BECN1: variants seen among roughly 807,000 people sequenced by gnomAD.
BECN1 encodes beclin 1, also known as beclin-1.
BECN1 carries 15 observed loss-of-function variants against 60.1 expected under a neutral mutation model. The observed-to-expected ratio is 0.25, with a 90% confidence interval of 0.17 to 0.38. The LOEUF (loss-of-function observed/expected upper bound fraction) is 0.38. Ranked by LOEUF, BECN1 falls within the 10% of genes least tolerant of loss-of-function variation. BECN1 has a pLI of 1.00. For missense variants in BECN1, 424 were observed against 548.2 expected (o/e 0.77, Z 2.26); for synonymous variants, 179 against 201.8 (o/e 0.89, Z 0.96).
Position 42,815,933 on chromosome 17 carries a change from C to T in BECN1, c.805G>A (p.Val269Ile). The change falls in exon 8 of 12, where the codon GTC (valine) becomes ATC (isoleucine). Residue 269 changes from valine (V) to isoleucine (I), a missense_variant. Coordinates refer to ENST00000590099, the MANE Select transcript of BECN1 (RefSeq NM_001313998.2). The stretch of plus-strand genomic sequence containing the variant: ...CAGATGTGGAAGGTTGCATTAAAGA[C>T]GTTGGTTTTCTTCAGCTTATCCAGC... ...TQLDKLKKTN[V>I]FNATFHIWHS... is the part of the protein sequence containing the mutation. 1.9e-6 allele frequency: 3 copies of T among 1,614,180 alleles called. No homozygotes were observed. The highest frequency in any genetic ancestry group is 2.5e-6 in the Non-Finnish European group (3 of 1,180,030).
At chr17:42,823,719 A>C (rs2055323154) in intron 2 of BECN1, 29 bp downstream of exon 2, 2 of 1,608,626 alleles carry the variant, frequency 1.2e-6, no homozygotes, top group South Asian at 1.1e-5. Flanking sequence ...CACATTCTTG[A>C]CCACCCTCTT....
intron 10 of BECN1, 167 bp from the exon 11 acceptor site, chr17:42,811,964 TG>T: frequency 1.3e-6 from 1 of 775,280 alleles, no homozygotes; most frequent in Non-Finnish European, 2.0e-6. Context: ...ACAATAAGCT[TG>T]GGCAAGTAAC....
chr17:42,811,339 A>C (rs1237804795), intron 11 of BECN1: 1 of 298,136 alleles, frequency 3.4e-6, no homozygotes, highest in Non-Finnish European at 6.1e-6. Flanking sequence ...TCCTAGAAAA[A>C]TCAAAAGAAG....
At chr17:42,821,198 T>G (rs1182858595) in intron 2 of BECN1, among the ~76,000 whole-genome samples, 1 of 152,172 alleles carries the variant, frequency 6.6e-6, no homozygotes. Flanking sequence ...TAGCTGGGAC[T>G]ACAGGCGTGC....
intron 7 of BECN1, among the ~76,000 whole-genome samples, chr17:42,817,593 A>T (rs1455772670): frequency 6.6e-6 from 1 of 152,178 alleles, no homozygotes; most frequent in Non-Finnish European, 1.5e-5. Flanking sequence ...CCCAAGCTGG[A>T]GTGCAGAGGT....
intron 7 of BECN1, among the ~76,000 whole-genome samples, chr17:42,817,961 G>C (rs1157295607): frequency 6.6e-6 from 1 of 152,176 alleles, no homozygotes; most frequent in Non-Finnish European, 1.5e-5. Context: ...TTCCCTACAG[G>C]ACAGAGCCAA....
chr17:42,820,630 T>C (rs2055242809), intron 3 of BECN1, 144 bp downstream of exon 3: 1 of 703,786 alleles, frequency 1.4e-6, no homozygotes, highest in Non-Finnish European at 2.4e-6. Context: ...AATGTCTCAT[T>C]ACCCAGAGAT....
intron 3 of BECN1, 142 bp downstream of exon 3, chr17:42,820,632 C>T: frequency 2.8e-6 from 2 of 720,720 alleles, no homozygotes; most frequent in African/African-American, 1.8e-5. Context: ...TGTCTCATTA[C>T]CCAGAGATCC....
chr17:42,819,730 A>G, intron 3 of BECN1, 121 bp from the exon 4 acceptor site: 1 of 1,002,142 alleles, frequency 1.0e-6, no homozygotes. Context: ...TAAACCACAG[A>G]GACTTAAAAA....
At chr17:42,813,911 C>T (rs1418386288) in intron 10 of BECN1, 37 bp downstream of exon 10, 1 of 1,455,734 alleles carries the variant, frequency 6.9e-7, no homozygotes, top group South Asian at 1.2e-5. Flanking sequence ...GATATAAGAA[C>T]TCTGTATTCC....
Position 42,813,966 on chromosome 17 carries a change from A to G in BECN1, c.1023T>C (p.Ser341=). The G allele has an allele frequency of 6.2e-7, 1 of 1,604,166 alleles. No homozygotes were observed. The highest frequency in any genetic ancestry group is 8.5e-7 in the Non-Finnish European group (1 of 1,173,096). Residue 341 remains serine, a synonymous_variant, in exon 10 of 12, where the codon TCT becomes TCC. Transcript: ENST00000590099. ...AGAGTACCTTAGATTTGTCTGTCAG[A>G]GACTCCAGATATGAATGGTTTCCGT... The part of the protein sequence containing the change: ...VPYGNHSYLE[S]LTDKSKELPL...
rs2055196203 is a variant in BECN1, at chr17:42,818,657, G to A, written c.375C>T (p.Ile125=). The part of the protein sequence containing the change: ...RLKVTGDLFD[I]MSGQTDVDHP... ...GATCCACATCTGTCTGGCCCGACAT[G>A]ATGTCAAAAAGGTCCCCAGTGACCT... Residue 125 remains isoleucine (I), a synonymous_variant, in exon 6 of 12, where the codon ATC becomes ATT. Coordinates refer to ENST00000590099, the MANE Select transcript of BECN1 (RefSeq NM_001313998.2). The A allele has an allele frequency of 6.2e-7, 1 of 1,614,082 alleles. No homozygotes were observed. The highest frequency in any genetic ancestry group is 1.3e-5 in the African/African-American group (1 of 74,926).
rs1159597176 is a variant in BECN1 at position 42,819,559 on chromosome 17, G to A, written c.249C>T (p.Ile83=). Residue 83 remains isoleucine (I), a synonymous_variant, in exon 4 of 12, where the codon ATC becomes ATT. Transcript: ENST00000590099. The part of the protein sequence containing the change: ...PRQDGVSRRF[I]PPARMMSTES... ...GAAGTAGTAGGCACCTGGCTGGGGGGATGAATCTGCGAGAGACACCATCCT... is the reference window on the plus strand; with the variant it reads ...GAAGTAGTAGGCACCTGGCTGGGGGAATGAATCTGCGAGAGACACCATCCT... The A allele has an allele frequency of 6.2e-7, 1 of 1,613,662 alleles. No homozygotes were observed. The highest frequency in any genetic ancestry group is 8.5e-7 in the Non-Finnish European group (1 of 1,179,920).
intron 2 of BECN1, among the ~76,000 whole-genome samples, chr17:42,823,116 G>A (rs1425313054): frequency 1.3e-5 from 2 of 152,108 alleles, no homozygotes; most frequent in Non-Finnish European, 2.9e-5. Context: ...TTGTTACAGG[G>A]ACTAAATGAA....
rs2055247022 is a variant in BECN1 at position 42,820,785 on chromosome 17, T to TA, written c.186dup (p.Asn63Ter). The TA allele has an allele frequency of 1.3e-6, 2 of 1,591,566 alleles. No homozygotes were observed. The highest frequency in any genetic ancestry group is 1.7e-6 in the Non-Finnish European group (2 of 1,167,600). On this transcript the variant is annotated frameshift_variant, in exon 3 of 12. Coordinates refer to ENST00000590099, the MANE Select transcript of BECN1 (RefSeq NM_001313998.2). LOFTEE classifies it high-confidence loss of function. ...GGCACTTCTATTACCTCTCCTGAGT[T>TA]AGTCTCTTCCTCCTGGGTCTCTCCT...
chr17:42,810,588 T>C lies in BECN1; in HGVS notation c.*172A>G. 1.5e-6 allele frequency: 1 copy of C among 648,024 alleles called. No individual in the cohort carries two copies. The allele number at this position is 648,024 out of a possible 1,614,324, so 40.1% of individuals were successfully genotyped here. On this transcript the variant is annotated 3_prime_UTR_variant, in exon 12 of 12. Coordinates refer to ENST00000590099, the MANE Select transcript of BECN1 (RefSeq NM_001313998.2). ...AACTATAGATGGCATGTTGTAGCTC[T>C]GGAAAGTATCTGTCACATGATATTT...
chr17:42,814,651 T>C lies in BECN1; in HGVS notation c.853A>G (p.Ile285Val), dbSNP rs748786575. 5.6e-5 allele frequency: 90 copies of C among 1,614,048 alleles called. No individual in the cohort carries two copies. Among genetic ancestry groups the C allele is most frequent in the Non-Finnish European group, 7.1e-5 (84 of 1,180,050 alleles). The change falls in exon 9 of 12, where the codon ATC becomes GTC. Residue 285 changes from isoleucine to valine, a missense_variant. Coordinates refer to ENST00000590099, the MANE Select transcript of BECN1 (RefSeq NM_001313998.2). Reference sequence around the variant, plus strand: ...AGGCGACCCAGCCTGAAGTTATTGATTGTGCCAAACTGTCCACTGTGCCTA... The same window carrying C: ...AGGCGACCCAGCCTGAAGTTATTGACTGTGCCAAACTGTCCACTGTGCCTA... ...HIWHSGQFGT[I>V]NNFRLGRLPS...
chr17:42,819,040 G>A, intron 4 of BECN1, 163 bp from the exon 5 acceptor site: 1 of 700,280 alleles, frequency 1.4e-6, no homozygotes, highest in Non-Finnish European at 2.3e-6. Context: ...CTCTCCCAAA[G>A]GAAGGCCATG....
In BECN1 at chr17:42,810,682, C is replaced by T. The variant is rs76799616; in HGVS notation, c.*78G>A. On this transcript the variant is annotated 3_prime_UTR_variant, in exon 12 of 12. Coordinates refer to ENST00000590099, the MANE Select transcript of BECN1 (RefSeq NM_001313998.2). ...TAAACATGTACTGTTTAATATTACC[C>T]GAATTTAATTTAAAACATGTTTGCA... is the stretch of plus-strand genomic sequence containing the variant. 12,753 of 1,445,740 alleles carry T rather than the reference C, an allele frequency of 8.8e-3. 536 individuals are homozygous for T. The South Asian group carries it at 0.098, about 11-fold the overall frequency. The allele number at this position is 1,445,740 out of a possible 1,614,324, so 89.6% of individuals were successfully genotyped here. A position where few individuals can be genotyped will look rare whatever the true frequency, so the allele number is the denominator to read the frequency against.
Sources: allele counts gnomAD v4.1 joint callset (sites outside exome capture counted in the v4.1 genomes callset), GRCh38; gene constraint gnomAD v4.1.1; transcripts MANE v1.5; gene names NCBI Gene and HGNC (gene_info 2026-07-23, HGNC 2026-07-21).